LGR4: variants seen among roughly 807,000 people sequenced by gnomAD.
The protein encoded by LGR4 is leucine rich repeat containing G protein-coupled receptor 4, also known as leucine-rich repeat-containing G protein-coupled receptor 4.
A neutral mutation model predicts 84.8 loss-of-function variants in LGR4; 44 were observed. The ratio of observed to expected loss-of-function variants is 0.52; its 90% confidence interval spans 0.41 to 0.67. LGR4 has a LOEUF of 0.67. LGR4 is among the 30% of genes least tolerant of loss of function. The pLI is 0.00. For missense variants in LGR4, 1,032 were observed against 1,131.4 expected (o/e 0.91, Z 1.26); for synonymous variants, 429 against 434.3 (o/e 0.99, Z 0.15).
chr11:27,415,856 A>G (rs1863806575), intron 1 of LGR4, among the ~76,000 whole-genome samples: 1 of 152,110 alleles, frequency 6.6e-6, no homozygotes, highest in South Asian at 2.1e-4. Context: ...TAAACAATCT[A>G]TAGATAGTCT....
chr11:27,405,919 C>A (rs771181828), intron 2 of LGR4, among the ~76,000 whole-genome samples: 2 of 152,162 alleles, frequency 1.3e-5, no homozygotes, highest in Admixed American at 6.6e-5. Context: ...CTGAACAAAT[C>A]ATTCCCTAGC....
At chr11:27,467,566 C>CAAAAAAAA (rs761925670) in intron 1 of LGR4, among the ~76,000 whole-genome samples, 1 of 51,860 alleles carries the variant, frequency 1.9e-5, no homozygotes, top group African/African-American at 5.2e-5. Flanking sequence ...GAGTCCGTCT[C>CAAAAAAAA]AAAAAAAAAA....
intron 1 of LGR4, among the ~76,000 whole-genome samples, chr11:27,423,842 G>A (rs1371095858): frequency 6.6e-6 from 1 of 152,160 alleles, no homozygotes; most frequent in East Asian, 1.9e-4. Context: ...TTTAATTTTT[G>A]CAATCAGAAT....
chr11:27,472,402 G>A lies in LGR4; in HGVS notation c.-100C>T, dbSNP rs1449608185. On this transcript the variant is annotated 5_prime_UTR_variant, in exon 1 of 18. Transcript: ENST00000379214. The stretch of plus-strand genomic sequence containing the variant: ...CCCCGGGCAGCCGGCCTGCGGGCTG[G>A]AGCGGGGGTCTCTTCCTCGGCGGTC... The A allele has an allele frequency of 1.0e-6, 1 of 969,184 alleles. No individual in the cohort carries two copies. Among genetic ancestry groups the A allele is most frequent in the Non-Finnish European group, 1.3e-6 (1 of 755,850 alleles). 60.0% of individuals were successfully genotyped at this position (969,184 alleles called of 1,614,324 possible).
Position 27,472,169 on chromosome 11 carries a change from C to T in LGR4, c.134G>A (p.Gly45Glu). 7.0e-7 allele frequency: 1 copy of T among 1,420,620 alleles called. No individual in the cohort carries two copies. Among genetic ancestry groups the T allele is most frequent in the Non-Finnish European group, 9.2e-7 (1 of 1,088,196 alleles). 88.0% of individuals were successfully genotyped at this position (1,420,620 alleles called of 1,614,324 possible). A position where few individuals can be genotyped will look rare whatever the true frequency, so the allele number is the denominator to read the frequency against. The change falls in exon 1 of 18, where the codon GGG (glycine) becomes GAG (glutamate). Residue 45 changes from glycine (G) to glutamate (E), a missense_variant. Coordinates refer to ENST00000379214, the MANE Select transcript of LGR4 (RefSeq NM_018490.5). ...CTCGGGCACGGCCGTCAGCCCCTTC[C>T]CGGAGCAGTCCACCCGACGGTCGCC... ...CDGDRRVDCS[G>E]KGLTAVPEGL...
At chr11:27,460,681 T>A (rs1864664355) in intron 1 of LGR4, among the ~76,000 whole-genome samples, 1 of 152,230 alleles carries the variant, frequency 6.6e-6, no homozygotes, top group Non-Finnish European at 1.5e-5. Context: ...TTTGCCAACC[T>A]ACCATGAAGA....
At chr11:27,408,844 T>A (rs1481833239) in intron 2 of LGR4, among the ~76,000 whole-genome samples, 4 of 152,160 alleles carry the variant, frequency 2.6e-5, no homozygotes, top group Non-Finnish European at 5.9e-5. Context: ...CACTTTTACA[T>A]AAATTATCCC....
At chr11:27,407,671 AT>A (rs923298072) in intron 2 of LGR4, among the ~76,000 whole-genome samples, 4 of 148,666 alleles carry the variant, frequency 2.7e-5, no homozygotes, top group Non-Finnish European at 4.4e-5. Flanking sequence ...GGACCAGAAT[AT>A]TTTTTTCTTT....
Position 27,373,551 on chromosome 11 carries a change from C to G in LGR4, c.1379G>C (p.Arg460Thr). 1 of 1,557,316 alleles carries G rather than the reference C, an allele frequency of 6.4e-7. No individual in the cohort carries two copies. The highest frequency in any genetic ancestry group is 8.7e-7 in the Non-Finnish European group (1 of 1,148,302). ...AAAAGAAAAATAAGCAAAAACACAC[C>G]TGAGGTTAACAAAGTCTTTTGCTGC... ...ALAAKDFVNL[R>T]SLSVPYAYQC... Residue 460 changes from arginine (R) to threonine (T), a missense_variant and splice_region_variant, in exon 15 of 18, where the codon AGG becomes ACG. Coordinates refer to ENST00000379214, the MANE Select transcript of LGR4 (RefSeq NM_018490.5).
chr11:27,393,882 G>T (rs1195692469), intron 2 of LGR4, among the ~76,000 whole-genome samples: 5 of 133,462 alleles, frequency 3.7e-5, no homozygotes, highest in African/African-American at 1.4e-4. Flanking sequence ...AATGCAAATT[G>T]CCCTGGGAAG....
Position 27,367,696 on chromosome 11 carries a change from C to T in LGR4, c.*171G>A. ...ATTTTTCACCAATTTATAATTTAGG[C>T]ACCTGTTCTTTGAAAATGACTGGTT... On this transcript the variant is annotated 3_prime_UTR_variant, in exon 18 of 18. Transcript: ENST00000379214. 1 of 530,906 alleles carries T rather than the reference C, an allele frequency of 1.9e-6. No individual in the cohort carries two copies. The highest frequency in any genetic ancestry group is 3.3e-6 in the Non-Finnish European group (1 of 303,100). 32.9% of individuals were successfully genotyped at this position (530,906 alleles called of 1,614,324 possible).
Position 27,392,534 on chromosome 11 carries a change from A to G in LGR4, c.258-16T>C, listed in dbSNP as rs1243799467. On this transcript the variant is annotated splice_polypyrimidine_tract_variant and intron_variant, in intron 2 of 17. Coordinates refer to ENST00000379214, the MANE Select transcript of LGR4 (RefSeq NM_018490.5). ...CGCCAATTGTCTAGAGAAAAAAAAA[A>G]AAAAAGTAGCAAGAAAAAAATAGTA... is the stretch of plus-strand genomic sequence containing the variant. 6.4e-7 allele frequency: 1 copy of G among 1,559,016 alleles called. No homozygotes were observed. Among genetic ancestry groups the G allele is most frequent in the Non-Finnish European group, 8.6e-7 (1 of 1,157,818 alleles).
chr11:27,399,682 G>C (rs961873369), intron 2 of LGR4, among the ~76,000 whole-genome samples: 1 of 151,880 alleles, frequency 6.6e-6, no homozygotes, highest in Non-Finnish European at 1.5e-5. Flanking sequence ...ACCATGCCCA[G>C]CTAATTTTTG....
chr11:27,457,847 G>C (rs1163661744), intron 1 of LGR4, among the ~76,000 whole-genome samples: 1 of 152,138 alleles, frequency 6.6e-6, no homozygotes, highest in Admixed American at 6.5e-5. Flanking sequence ...ATGAGTACTG[G>C]CCAGGCACAG....
intron 1 of LGR4, among the ~76,000 whole-genome samples, chr11:27,446,891 T>C (rs1184925094): frequency 6.6e-6 from 1 of 152,068 alleles, no homozygotes. Flanking sequence ...TGTAGGGACA[T>C]GGATGAAGCT....
chr11:27,412,904 A>T, intron 1 of LGR4, 44 bp from the exon 2 acceptor site: 1 of 1,281,496 alleles, frequency 7.8e-7, no homozygotes. Flanking sequence ...AAGTGGTATG[A>T]AGCTTAAAGT....
intron 1 of LGR4, among the ~76,000 whole-genome samples, chr11:27,421,231 T>C (rs1315483530): frequency 6.6e-6 from 1 of 152,248 alleles, no homozygotes; most frequent in East Asian, 1.9e-4. Context: ...TCTAAATCTA[T>C]CATGATTACT....
At chr11:27,376,978 G>C (rs1752674243) in intron 12 of LGR4, among the ~76,000 whole-genome samples, 180 bp downstream of exon 12, 3 of 152,162 alleles carry the variant, frequency 2.0e-5, no homozygotes, top group South Asian at 4.1e-4. Flanking sequence ...TGATAGCTAA[G>C]TGCCTAATAC....
At chr11:27,415,401 T>A (rs974753194) in intron 1 of LGR4, among the ~76,000 whole-genome samples, 18 of 152,064 alleles carry the variant, frequency 1.2e-4, no homozygotes, top group African/African-American at 4.3e-4. Context: ...GACACATAAT[T>A]AGAGACAATT....
Sources: allele counts gnomAD v4.1 joint callset (sites outside exome capture counted in the v4.1 genomes callset), GRCh38; gene constraint gnomAD v4.1.1; transcripts MANE v1.5; gene names NCBI Gene and HGNC (gene_info 2026-07-23, HGNC 2026-07-21).